Variants in CDKN2B observed in about 807,000 individuals in gnomAD.
CDKN2B encodes cyclin-dependent kinase 4 inhibitor B.
Under a neutral mutation model 7.7 loss-of-function variants are expected in CDKN2B, and 8 were observed. That is an observed-to-expected ratio of 1.04 (90% CI 0.61 to 1.87). The LOEUF (loss-of-function observed/expected upper bound fraction) is 1.87. CDKN2B is among the 40% of genes most tolerant of loss of function. The pLI, the probability that CDKN2B is intolerant of heterozygous loss-of-function variation, is 0.00. For missense variants in CDKN2B, 244 were observed against 213.1 expected, an observed-to-expected ratio of 1.15 and a Z score of -0.90; for synonymous variants, 93 against 95.8, an observed-to-expected ratio of 0.97 and a Z score of 0.17.
At position 22,006,426 on chromosome 9, in the gene CDKN2B, C is replaced by G. The variant is rs1293229290; in HGVS notation, c.157-179G>C. On this transcript the variant is annotated intron_variant, in intron 1 of 1. Coordinates refer to ENST00000276925, the MANE Select transcript of CDKN2B (RefSeq NM_004936.4). This position sits in a 1 kb window ranked among gnomAD's most constrained non-coding sequence, Gnocchi z 6.4. ...TTCATTTGCTGATGCAATCCACTTT[C>G]CCACCCCACCTTCAGGTTATACTCA... Among the ~76,000 whole-genome samples the G allele has an allele frequency of 6.6e-6, 1 of 152,206 alleles. No homozygotes were observed. The highest frequency in any genetic ancestry group is 2.4e-5 in the African/African-American group (1 of 41,448).
rs1821007087 is a variant in CDKN2B, at chr9:22,003,309, AGT to A, written c.*2676_*2677del. On this transcript the variant is annotated 3_prime_UTR_variant, in exon 2 of 2. Coordinates refer to ENST00000276925, the MANE Select transcript of CDKN2B (RefSeq NM_004936.4). ...AACTAACAAAACAAACAAAAAAAAC[AGT>A]GTAATATAGTACTGTGGGATCCACA... 4.5e-6 allele frequency: 1 copy of A among 220,244 alleles called. No homozygotes were observed. Among genetic ancestry groups the A allele is most frequent in the African/African-American group, 2.2e-5 (1 of 44,650 alleles). The allele number at this position is 220,244 out of a possible 1,614,324, so 13.6% of individuals were successfully genotyped here.
Position 22,004,879 on chromosome 9 carries a change from A to G in CDKN2B, c.*1108T>C, listed in dbSNP as rs1821087514. The G allele has an allele frequency of 4.3e-6, 1 of 233,160 alleles. No homozygotes were observed. Among genetic ancestry groups the G allele is most frequent in the Non-Finnish European group, 8.5e-6 (1 of 118,060 alleles). The allele number at this position is 233,160 out of a possible 1,614,324, so 14.4% of individuals were successfully genotyped here. A position where few individuals can be genotyped will look rare whatever the true frequency, so the allele number is the denominator to read the frequency against. Reference sequence around the variant, plus strand: ...TAAAGGAAACAATCAGAAAAATTTAACAAAGAAATAAATAGGTTAAGAAGA... The same window carrying G: ...TAAAGGAAACAATCAGAAAAATTTAGCAAAGAAATAAATAGGTTAAGAAGA... On this transcript the variant is annotated 3_prime_UTR_variant, in exon 2 of 2. Transcript: ENST00000276925.
rs879431148 is a variant in CDKN2B, at chr9:22,009,051, C to CT, written c.-99dup. The CT allele has an allele frequency of 1.9e-6, 3 of 1,566,612 alleles. No individual in the cohort carries two copies. Among genetic ancestry groups the CT allele is most frequent in the Admixed American group, 1.7e-5 (1 of 59,218 alleles). ...CTTTCCCACGCTGCTCCGGCGCACT[C>CT]TCTCCTTCCTAGGAGACCTGGGCTC... is the stretch of plus-strand genomic sequence containing the variant. On this transcript the variant is annotated 5_prime_UTR_variant, in exon 1 of 2. The change abolishes the stop of an existing upstream ORF in the 5' untranslated region. Coordinates refer to ENST00000276925, the MANE Select transcript of CDKN2B (RefSeq NM_004936.4).
In CDKN2B at chr9:22,006,147, T is replaced by G. The variant is rs949896511; in HGVS notation, c.257A>C (p.Asp86Ala). The change falls in exon 2 of 2, where the codon GAT becomes GCT. Residue 86 changes from aspartate (D) to alanine (A), a missense_variant. Coordinates refer to ENST00000276925, the MANE Select transcript of CDKN2B (RefSeq NM_004936.4). The surrounding 1 kb of genome is among the most constrained non-coding windows in gnomAD (Gnocchi z 6.4). The stretch of plus-strand genomic sequence containing the variant: ...GTCCAGGAAGCCCTCCCGGGCAGCA[T>G]CATGCACCGGTCGGGTGAGAGTGGC... ...DPATLTRPVH[D>A]AAREGFLDTL... 6.2e-7 allele frequency: 1 copy of G among 1,611,752 alleles called. No homozygotes were observed. The highest frequency in any genetic ancestry group is 8.5e-7 in the Non-Finnish European group (1 of 1,179,890).
rs1821221301 is a variant in CDKN2B at position 22,006,965 on chromosome 9, T to C, written c.157-718A>G. Among the ~76,000 whole-genome samples the C allele has an allele frequency of 6.6e-6, 1 of 152,124 alleles. No homozygotes were observed. The highest frequency in any genetic ancestry group is 6.5e-5 in the Admixed American group (1 of 15,284). On this transcript the variant is annotated intron_variant, in intron 1 of 1. Coordinates refer to ENST00000276925, the MANE Select transcript of CDKN2B (RefSeq NM_004936.4). The surrounding 1 kb of genome is among the most constrained non-coding windows in gnomAD (Gnocchi z 6.4). ...AGTTCATCATTTTAAATTTAGACTA[T>C]AATATTTTTAATGTAATATAAAACT...
In CDKN2B at chr9:22,004,635, C is replaced by A. The variant is rs1032249237; in HGVS notation, c.*1352G>T. ...TTCCAATGATATAATGATCAAGCAA[C>A]CCTGGAAATTAAATCCCAAAGCAGT... On this transcript the variant is annotated 3_prime_UTR_variant, in exon 2 of 2. Coordinates refer to ENST00000276925, the MANE Select transcript of CDKN2B (RefSeq NM_004936.4). 2 of 232,464 alleles carry A rather than the reference C, an allele frequency of 8.6e-6. No homozygotes were observed. The highest frequency in any genetic ancestry group is 4.4e-5 in the African/African-American group (2 of 45,288). The allele number at this position is 232,464 out of a possible 1,614,324, so 14.4% of individuals were successfully genotyped here.
In CDKN2B at chr9:22,004,647, A is replaced by T. The variant is rs1045279033; in HGVS notation, c.*1340T>A. 1 of 232,630 alleles carries T rather than the reference A, an allele frequency of 4.3e-6. No individual in the cohort carries two copies. The highest frequency in any genetic ancestry group is 8.5e-6 in the Non-Finnish European group (1 of 117,770). The allele number at this position is 232,630 out of a possible 1,614,324, so 14.4% of individuals were successfully genotyped here. A position where few individuals can be genotyped will look rare whatever the true frequency, so the allele number is the denominator to read the frequency against. ...AATGATCAAGCAACCCTGGAAATTA[A>T]ATCCCAAAGCAGTGCACCTTTAGTT... On this transcript the variant is annotated 3_prime_UTR_variant, in exon 2 of 2. Transcript: ENST00000276925.
At position 22,005,853 on chromosome 9, in the gene CDKN2B, T is replaced by G. The variant is rs531705888; in HGVS notation, c.*134A>C. Reference sequence around the variant, plus strand: ...ATTCCCGGTCGGCTCCTCCTTCCTGTGAGTCTCAGACAGGCTTGCAGGCTT... The same window carrying G: ...ATTCCCGGTCGGCTCCTCCTTCCTGGGAGTCTCAGACAGGCTTGCAGGCTT... On this transcript the variant is annotated 3_prime_UTR_variant, in exon 2 of 2. Coordinates refer to ENST00000276925, the MANE Select transcript of CDKN2B (RefSeq NM_004936.4). This position sits in a 1 kb window ranked among gnomAD's most constrained non-coding sequence, Gnocchi z 4.9. The G allele has an allele frequency of 1.3e-5, 16 of 1,236,720 alleles. No individual in the cohort carries two copies. In the South Asian group the frequency reaches 2.1e-4, roughly 16 times the overall value. 76.6% of individuals were successfully genotyped at this position (1,236,720 alleles called of 1,614,324 possible).
In CDKN2B at chr9:22,003,251, C is replaced by A. The variant is rs1430106119; in HGVS notation, c.*2736G>T. 9.2e-6 allele frequency: 2 copies of A among 217,128 alleles called. No homozygotes were observed. The highest frequency in any genetic ancestry group is 4.5e-5 in the African/African-American group (2 of 44,388). The allele number at this position is 217,128 out of a possible 1,614,324, so 13.5% of individuals were successfully genotyped here. A position where few individuals can be genotyped will look rare whatever the true frequency, so the allele number is the denominator to read the frequency against. On this transcript the variant is annotated 3_prime_UTR_variant, in exon 2 of 2. Transcript: ENST00000276925. ...ATACAACCAGGTGGTAATTGATACC[C>A]AATAATGTTTGAGGTTTGCTTTAAA...
Position 22,005,808 on chromosome 9 carries a change from A to G in CDKN2B, c.*179T>C. 1.3e-6 allele frequency: 1 copy of G among 775,044 alleles called. No individual in the cohort carries two copies. The highest frequency in any genetic ancestry group is 2.1e-6 in the Non-Finnish European group (1 of 480,888). The allele number at this position is 775,044 out of a possible 1,614,324, so 48.0% of individuals were successfully genotyped here. A position where few individuals can be genotyped will look rare whatever the true frequency, so the allele number is the denominator to read the frequency against. ...GTGTCGAGGGCCAGATAAGACAAAGAAAAAAATGTATGGAAGGTTATTCCC... is the reference window on the plus strand; with the variant it reads ...GTGTCGAGGGCCAGATAAGACAAAGGAAAAAATGTATGGAAGGTTATTCCC... On this transcript the variant is annotated 3_prime_UTR_variant, in exon 2 of 2. Coordinates refer to ENST00000276925, the MANE Select transcript of CDKN2B (RefSeq NM_004936.4). The surrounding 1 kb of genome is among the most constrained non-coding windows in gnomAD (Gnocchi z 4.9).
intron 1 of CDKN2B, among the ~76,000 whole-genome samples, chr9:22,008,246 T>C (rs1416695112): frequency 6.6e-6 from 1 of 152,212 alleles, no homozygotes; most frequent in East Asian, 1.9e-4. Context: ...TATATATTTT[T>C]TCTCTTATGC....
Position 22,006,803 on chromosome 9 carries a change from G to C in CDKN2B, c.157-556C>G, listed in dbSNP as rs372873045. ...TCTCATAGCAAATCCCGTGCGGAAG[G>C]CTTTTGTTTGTCATGTGTCTGAGCT... On this transcript the variant is annotated intron_variant, in intron 1 of 1. Coordinates refer to ENST00000276925, the MANE Select transcript of CDKN2B (RefSeq NM_004936.4). The surrounding 1 kb of genome is among the most constrained non-coding windows in gnomAD (Gnocchi z 6.4). Among the ~76,000 whole-genome samples the C allele has an allele frequency of 6.5e-4, 98 of 151,814 alleles. No homozygotes were observed. The highest frequency in any genetic ancestry group is 2.3e-3 in the African/African-American group (94 of 41,396).
chr9:22,008,599 T>C, intron 1 of CDKN2B, 199 bp downstream of exon 1: 1 of 1,499,304 alleles, frequency 6.7e-7, no homozygotes, highest in Non-Finnish European at 9.0e-7. Flanking sequence ...AAAAAAAGCT[T>C]AAACAGTGGG....
At position 22,005,069 on chromosome 9, in the gene CDKN2B, A is replaced by G. The variant is rs1285899763; in HGVS notation, c.*918T>C. ...AACTAAAAAGTACAAAATATCACAAAATCAAAAAGTAGCAAGTCATAAGGG... is the reference window on the plus strand; with the variant it reads ...AACTAAAAAGTACAAAATATCACAAGATCAAAAAGTAGCAAGTCATAAGGG... On this transcript the variant is annotated 3_prime_UTR_variant, in exon 2 of 2. Transcript: ENST00000276925. The surrounding 1 kb of genome is among the most constrained non-coding windows in gnomAD (Gnocchi z 4.9). 2 of 233,134 alleles carry G rather than the reference A, an allele frequency of 8.6e-6. No homozygotes were observed. The highest frequency in any genetic ancestry group is 1.7e-5 in the Non-Finnish European group (2 of 118,080). The allele number at this position is 233,134 out of a possible 1,614,324, so 14.4% of individuals were successfully genotyped here.
chr9:22,004,555 C>T lies in CDKN2B; in HGVS notation c.*1432G>A, dbSNP rs935504946. ...ATGTATTTTTAAACCAAATTACCCACCTCTTGGAGTTCAATCTCTGTTAAT... is the reference window on the plus strand; with the variant it reads ...ATGTATTTTTAAACCAAATTACCCATCTCTTGGAGTTCAATCTCTGTTAAT... On this transcript the variant is annotated 3_prime_UTR_variant, in exon 2 of 2. Transcript: ENST00000276925. The T allele has an allele frequency of 2.6e-5, 6 of 232,354 alleles. No homozygotes were observed. In the East Asian group the frequency reaches 3.0e-4, roughly 12 times the overall value. The allele number at this position is 232,354 out of a possible 1,614,324, so 14.4% of individuals were successfully genotyped here. A position where few individuals can be genotyped will look rare whatever the true frequency, so the allele number is the denominator to read the frequency against.
chr9:22,007,729 A>T (rs1288011265), intron 1 of CDKN2B, among the ~76,000 whole-genome samples: 3 of 152,198 alleles, frequency 2.0e-5, no homozygotes, highest in African/African-American at 4.8e-5. Flanking sequence ...TTACATAGAA[A>T]AAAAGGGGAA....
chr9:22,005,656 C>T lies in CDKN2B; in HGVS notation c.*331G>A, dbSNP rs1821136757. 16 of 478,534 alleles carry T rather than the reference C, an allele frequency of 3.3e-5. No homozygotes were observed. Among genetic ancestry groups the T allele is most frequent in the South Asian group, 2.4e-4 (11 of 46,276 alleles). 29.6% of individuals were successfully genotyped at this position (478,534 alleles called of 1,614,324 possible). On this transcript the variant is annotated 3_prime_UTR_variant, in exon 2 of 2. Transcript: ENST00000276925. The surrounding 1 kb of genome is among the most constrained non-coding windows in gnomAD (Gnocchi z 4.9). ...CATCCATCGGAAGATTCGTAGCCAC[C>T]AGGTCCAGTCAAGGATTTCATATGC...
In CDKN2B at chr9:22,005,344, C is replaced by T; in HGVS notation, c.*643G>A. On this transcript the variant is annotated 3_prime_UTR_variant, in exon 2 of 2. Coordinates refer to ENST00000276925, the MANE Select transcript of CDKN2B (RefSeq NM_004936.4). This position sits in a 1 kb window ranked among gnomAD's most constrained non-coding sequence, Gnocchi z 4.9. Reference sequence around the variant, plus strand: ...GTCGCTTGCACATCCTCTCTTACCCCTCTGCTATCTGGTGGAGTTGGGCGA... The same window carrying T: ...GTCGCTTGCACATCCTCTCTTACCCTTCTGCTATCTGGTGGAGTTGGGCGA... 4.1e-6 allele frequency: 1 copy of T among 242,256 alleles called. No homozygotes were observed. Among genetic ancestry groups the T allele is most frequent in the East Asian group, 5.9e-5 (1 of 16,912 alleles). 15.0% of individuals were successfully genotyped at this position (242,256 alleles called of 1,614,324 possible).
intron 1 of CDKN2B, among the ~76,000 whole-genome samples, chr9:22,008,354 C>G (rs1821297105): frequency 6.6e-6 from 1 of 152,164 alleles, no homozygotes; most frequent in Non-Finnish European, 1.5e-5. Flanking sequence ...AACAATACAA[C>G]AGATTTCATA....
Sources: allele counts gnomAD v4.1 joint callset (sites outside exome capture counted in the v4.1 genomes callset), GRCh38; gene constraint gnomAD v4.1.1; non-coding constraint Gnocchi (gnomAD v3.1); transcripts MANE v1.5; gene names NCBI Gene and HGNC (gene_info 2026-07-23, HGNC 2026-07-21).